Variants in TCERG1L observed in about 807,000 individuals in gnomAD.
TCERG1L encodes the protein transcription elongation regulator 1 like, also known as transcription elongation regulator 1-like protein.
TCERG1L carries 37 observed loss-of-function variants against 56.3 expected under a neutral mutation model. The ratio of observed to expected loss-of-function variants is 0.66; its 90% confidence interval spans 0.51 to 0.87. The LOEUF (loss-of-function observed/expected upper bound fraction) is 0.87, where lower values mean the gene tolerates loss of function less well. Ranked by LOEUF, TCERG1L falls within the 40% of genes least tolerant of loss-of-function variation. TCERG1L has a pLI of 0.00. For synonymous variants in TCERG1L, 324 were observed against 326.3 expected (o/e 0.99, Z 0.08); for missense variants, 799 against 774.2 (o/e 1.03, Z -0.38).
At chr10:131,300,280 T>C (rs527434832) in intron 3 of TCERG1L, among the ~76,000 whole-genome samples, 10 of 152,342 alleles carry the variant, frequency 6.6e-5, no homozygotes. Flanking sequence ...AGTTTCATAA[T>C]GTCCATTTTT....
chr10:131,181,754 T>C (rs1003533252), intron 4 of TCERG1L, among the ~76,000 whole-genome samples: 2 of 152,230 alleles, frequency 1.3e-5, no homozygotes, highest in Non-Finnish European at 2.9e-5. Context: ...CACACTCAGC[T>C]CCTCTGGGTC....
chr10:131,160,681 AATCCACTTCCCAGTGAG>A (rs1334228924), intron 6 of TCERG1L: 1 of 152,186 alleles, frequency 6.6e-6, no homozygotes, highest in Admixed American at 6.5e-5. Context: ...CCGCAGGGAT[AATCCACTTCCCAGTGAG>A]ATCATGCAGC....
chr10:131,140,813 C>A (rs1845729050), intron 7 of TCERG1L, among the ~76,000 whole-genome samples: 2 of 152,120 alleles, frequency 1.3e-5, no homozygotes, highest in African/African-American at 2.4e-5. Context: ...TGACTCAGGG[C>A]AGCAGGGTCC....
rs1400003110 is a variant in TCERG1L, at chr10:131,093,039, G to GC, written c.*122dup. ...CCTCTGAGAACGAAGACCCCGCAGT[G>GC]CCGGTGCCCGCTGGGCCGTGCAGGT... On this transcript the variant is annotated 3_prime_UTR_variant, in exon 12 of 12. Coordinates refer to ENST00000368642, the MANE Select transcript of TCERG1L (RefSeq NM_174937.4). The GC allele has an allele frequency of 1.1e-6, 1 of 947,074 alleles. No individual in the cohort carries two copies. The highest frequency in any genetic ancestry group is 1.6e-6 in the Non-Finnish European group (1 of 638,506). The allele number at this position is 947,074 out of a possible 1,614,324, so 58.7% of individuals were successfully genotyped here.
chr10:131,138,786 T>C (rs576505643), intron 7 of TCERG1L, among the ~76,000 whole-genome samples: 1 of 152,174 alleles, frequency 6.6e-6, no homozygotes, highest in Non-Finnish European at 1.5e-5. Context: ...ATTGTGAACA[T>C]ACTGAACGCC....
chr10:131,203,553 G>A (rs1427303894), intron 4 of TCERG1L, among the ~76,000 whole-genome samples: 1 of 152,212 alleles, frequency 6.6e-6, no homozygotes, highest in Non-Finnish European at 1.5e-5. Context: ...CCCCCGTCAT[G>A]TCAACCGTTC....
chr10:131,291,401 C>CTTTTTTTTTTTTTTTTTTTT lies in TCERG1L; in HGVS notation c.670+16790_670+16809dup, dbSNP rs71009957. On this transcript the variant is annotated intron_variant, in intron 3 of 11. Coordinates refer to ENST00000368642, the MANE Select transcript of TCERG1L (RefSeq NM_174937.4). Reference sequence around the variant, plus strand: ...TGTGTATATTCCATAAACAGCATTTCTTTTTTTTTTTTTTTTTTTTTTTTT... The same window carrying CTTTTTTTTTTTTTTTTTTTT: ...TGTGTATATTCCATAAACAGCATTTCTTTTTTTTTTTTTTTTTTTTTTTTTTTTTTTTTTTTTTTTTTTTT... Among the ~76,000 whole-genome samples the CTTTTTTTTTTTTTTTTTTTT allele has an allele frequency of 5.5e-4, 20 of 36,596 alleles. 8 individuals carry two copies. The highest frequency in any genetic ancestry group is 2.2e-3 in the East Asian group (2 of 910). 24.0% of individuals were successfully genotyped at this position (36,596 alleles called of 152,430 possible). A position where few individuals can be genotyped will look rare whatever the true frequency, so the allele number is the denominator to read the frequency against.
intron 8 of TCERG1L, among the ~76,000 whole-genome samples, chr10:131,132,490 G>A (rs1365011786): frequency 2.6e-5 from 4 of 152,224 alleles, no homozygotes; most frequent in African/African-American, 7.2e-5. Context: ...GAGTGCAGCC[G>A]GGTGATGAGG....
intron 6 of TCERG1L, among the ~76,000 whole-genome samples, chr10:131,150,251 C>T (rs898843293): frequency 6.6e-5 from 10 of 152,288 alleles, no homozygotes; most frequent in Non-Finnish European, 1.3e-4. Flanking sequence ...CCCCAGCCTC[C>T]AACGGCCTCA....
rs1306323025 is a variant in TCERG1L at position 131,149,601 on chromosome 10, G to A, written c.1035-2941C>T. On this transcript the variant is annotated intron_variant, in intron 6 of 11. Transcript: ENST00000368642. ...AGAGACTGACTCCTTTCCTCCAGACGCAGACCTGGTGATGACCTGCTTCCC... is the reference window on the plus strand; with the variant it reads ...AGAGACTGACTCCTTTCCTCCAGACACAGACCTGGTGATGACCTGCTTCCC... Among the ~76,000 whole-genome samples, 5 of 152,348 alleles carry A rather than the reference G, an allele frequency of 3.3e-5. No homozygotes were observed. The East Asian group carries it at 9.6e-4, about 29-fold the overall frequency.
chr10:131,093,996 G>A (rs368118001), intron 11 of TCERG1L, among the ~76,000 whole-genome samples: 18 of 152,306 alleles, frequency 1.2e-4, no homozygotes, highest in East Asian at 9.6e-4. Flanking sequence ...CTGATGGAGC[G>A]AATCAGAGCT....
At position 131,217,114 on chromosome 10, in the gene TCERG1L, C is replaced by G. The variant is rs1845677874; in HGVS notation, c.856+43145G>C. On this transcript the variant is annotated intron_variant, in intron 4 of 11. Transcript: ENST00000368642. Reference sequence around the variant, plus strand: ...TCTTGTCCCCACCCAAATCTCATGACAGATTGTGATCTCCAGTGTTGGAGG... The same window carrying G: ...TCTTGTCCCCACCCAAATCTCATGAGAGATTGTGATCTCCAGTGTTGGAGG... Among the ~76,000 whole-genome samples the G allele has an allele frequency of 2.0e-5, 3 of 152,282 alleles. No homozygotes were observed. In the South Asian group the frequency reaches 6.2e-4, roughly 32 times the overall value.
At chr10:131,245,837 C>T (rs1846028610) in intron 4 of TCERG1L, among the ~76,000 whole-genome samples, 1 of 152,112 alleles carries the variant, frequency 6.6e-6, no homozygotes, top group Admixed American at 6.5e-5. Flanking sequence ...TGCAGGGCCT[C>T]ATGGAAGGGC....
chr10:131,116,758 G>T (rs1845463003), intron 9 of TCERG1L, 41 bp downstream of exon 9: 1 of 1,543,094 alleles, frequency 6.5e-7, no homozygotes, highest in East Asian at 2.4e-5. Context: ...GTTCCCCCGG[G>T]TCTGCCGTAG....
intron 8 of TCERG1L, among the ~76,000 whole-genome samples, chr10:131,127,532 A>C (rs1422350115): frequency 6.6e-6 from 1 of 152,236 alleles, no homozygotes; most frequent in African/African-American, 2.4e-5. Context: ...GGAGTATCTC[A>C]TGCCAGATAA....
intron 3 of TCERG1L, among the ~76,000 whole-genome samples, chr10:131,285,691 T>C (rs1221949613): frequency 1.3e-5 from 2 of 152,146 alleles, no homozygotes; most frequent in African/African-American, 4.8e-5. Flanking sequence ...CAATTCAACA[T>C]GAAGATTTTG....
chr10:131,186,761 G>A (rs962396361), intron 4 of TCERG1L, among the ~76,000 whole-genome samples: 2 of 152,146 alleles, frequency 1.3e-5, no homozygotes, highest in East Asian at 1.9e-4. Flanking sequence ...CTCGTGCACC[G>A]GGCACTCCAC....
At chr10:131,216,307 C>T (rs1184908636) in intron 4 of TCERG1L, among the ~76,000 whole-genome samples, 3 of 152,048 alleles carry the variant, frequency 2.0e-5, no homozygotes. Context: ...AGAGGAGCTC[C>T]CAGAGCCCAT....
chr10:131,136,938 G>A (rs894353355), intron 7 of TCERG1L, among the ~76,000 whole-genome samples: 9 of 150,742 alleles, frequency 6.0e-5, no homozygotes, highest in Non-Finnish European at 1.3e-4. Context: ...TCAGGAGTTC[G>A]AGACCAGCCT....
Sources: allele counts gnomAD v4.1 joint callset (sites outside exome capture counted in the v4.1 genomes callset), GRCh38; gene constraint gnomAD v4.1.1; transcripts MANE v1.5; gene names NCBI Gene and HGNC (gene_info 2026-07-23, HGNC 2026-07-21).